The following COG1 variants were observed in gnomAD, a reference collection of about 807,000 sequenced individuals.
The protein encoded by COG1 is component of oligomeric golgi complex 1.
In COG1, 61 loss-of-function variants were observed where a neutral mutation model predicts 102.2. The observed-to-expected ratio is 0.60, with a 90% CI of 0.49 to 0.74. The LOEUF is 0.74. COG1 is among the 30% of genes least tolerant of loss of function. COG1 has a pLI of 0.00. For missense variants in COG1, 1,164 were observed against 1,232.1 expected, an observed-to-expected ratio of 0.94 and a Z score of 0.83; for synonymous variants, 454 against 493.6, an observed-to-expected ratio of 0.92 and a Z score of 1.06.
Position 73,193,248 on chromosome 17 carries a change from T to G in COG1, c.179T>G (p.Ile60Ser), listed in dbSNP as rs1395348116. Reference protein sequence around the residue: ...QMVGERYRDLIEAADTIGQMR... With the variant: ...QMVGERYRDLSEAADTIGQMR... ...GTGGGCGAACGGTACCGCGACCTGA[T>G]CGAGGCGGCCGACACCATCGGCCAG... The change falls in exon 1 of 14, where the codon ATC becomes AGC. Residue 60 changes from isoleucine (I) to serine (S), a missense_variant. Transcript: ENST00000299886. 6.2e-7 allele frequency: 1 copy of G among 1,608,330 alleles called. No individual in the cohort carries two copies. Among genetic ancestry groups the G allele is most frequent in the Admixed American group, 1.7e-5 (1 of 59,448 alleles).
chr17:73,198,653 G>A (rs9894011), intron 4 of COG1, among the ~76,000 whole-genome samples: 6,530 of 152,260 alleles, frequency 0.043, 408 homozygotes, highest in African/African-American at 0.14. Flanking sequence ...ACTGTGAAGC[G>A]GGCAGGTGCC....
In COG1 at chr17:73,205,664, A is replaced by G. The variant is rs1458072853; in HGVS notation, c.2494A>G (p.Ser832Gly). 1 of 1,613,774 alleles carries G rather than the reference A, an allele frequency of 6.2e-7. No homozygotes were observed. The highest frequency in any genetic ancestry group is 1.3e-5 in the African/African-American group (1 of 74,912). ...GGGTGACGAGGTGAAGAGTGGCCGG[A>G]GCAAGCCAGACTCCAGGTGTCGTAT... ...AKGDEVKSGR[S>G]KPDSRIEKVT... is the part of the protein sequence containing the mutation. The change falls in exon 10 of 14, where the codon AGC becomes GGC. Residue 832 changes from serine (S) to glycine (G), a missense_variant. Coordinates refer to ENST00000299886, the MANE Select transcript of COG1 (RefSeq NM_018714.3).
intron 8 of COG1, chr17:73,203,385 T>G: frequency 1.4e-6 from 1 of 702,874 alleles, no homozygotes; most frequent in African/African-American, 1.8e-5. Flanking sequence ...ACCACTTACT[T>G]GCCGTGAAAT....
At chr17:73,199,727 A>G in intron 4 of COG1, 138 bp from the exon 5 acceptor site, 1 of 962,330 alleles carries the variant, frequency 1.0e-6, no homozygotes. Flanking sequence ...GGTGTGCACC[A>G]TGACGCCTGG....
chr17:73,198,677 C>T (rs1313539887), intron 4 of COG1, among the ~76,000 whole-genome samples: 2 of 152,172 alleles, frequency 1.3e-5, no homozygotes, highest in Non-Finnish European at 2.9e-5. Context: ...GGGCCCAGAA[C>T]AGATCGCTGG....
At chr17:73,206,014 T>G in intron 10 of COG1, 140 bp from the exon 11 acceptor site, 3 of 762,564 alleles carry the variant, frequency 3.9e-6, no homozygotes, top group Non-Finnish European at 4.5e-6. Context: ...ACTTAAGCAC[T>G]ATCATCAGTG....
In COG1 at chr17:73,201,285, TGCGGCCTGGGTCA is replaced by T. The variant is rs1403513992; in HGVS notation, c.1462_1474del (p.Ala488TrpfsTer14). The T allele has an allele frequency of 6.2e-7, 1 of 1,614,102 alleles. No homozygotes were observed. Among genetic ancestry groups the T allele is most frequent in the Non-Finnish European group, 8.5e-7 (1 of 1,180,044 alleles). On this transcript the variant is annotated frameshift_variant, in exon 7 of 14. Transcript: ENST00000299886. LOFTEE classifies it high-confidence loss of function. The stretch of plus-strand genomic sequence containing the variant: ...AGAGTCCTAATGACCTGCCTTCCGA[TGCGGCCTGGGTCA>T]GCGTGGCAAACCGGGGTCAGTTTGC...
chr17:73,193,848 C>T (rs1203175204), intron 1 of COG1, among the ~76,000 whole-genome samples: 3 of 152,144 alleles, frequency 2.0e-5, no homozygotes, highest in East Asian at 1.9e-4. Flanking sequence ...TTCCACAACC[C>T]CAAATAGCTG....
chr17:73,206,418 T>TTC (rs1417530366), intron 11 of COG1, among the ~76,000 whole-genome samples, 156 bp downstream of exon 11: 7 of 152,164 alleles, frequency 4.6e-5, no homozygotes, highest in Non-Finnish European at 8.8e-5. Context: ...GAAAGAGGAT[T>TTC]AGATAAAATC....
chr17:73,195,020 G>C (rs76411189), intron 1 of COG1, among the ~76,000 whole-genome samples: 1 of 152,152 alleles, frequency 6.6e-6, no homozygotes, highest in East Asian at 1.9e-4. Context: ...TGAAATGAGT[G>C]ACCTCATCCC....
rs2061380701 is a variant in COG1 at position 73,207,193 on chromosome 17, C to A, written c.2742C>A (p.Leu914=). ...TCTTGTTTTGGAGGTTTGGACTTCT[C>A]CCACTGAGCATGACAAGCACTCGAA... ...LASSQIRFGL[L]PLSMTSTRKA... The change falls in exon 13 of 14, where the codon CTC becomes CTA. Residue 914 remains leucine (L), a synonymous_variant. Transcript: ENST00000299886. 6.2e-7 allele frequency: 1 copy of A among 1,613,090 alleles called. No homozygotes were observed. The highest frequency in any genetic ancestry group is 8.5e-7 in the Non-Finnish European group (1 of 1,179,790).
chr17:73,200,002 C>G lies in COG1; in HGVS notation c.1051C>G (p.Leu351Val), dbSNP rs142802630. The change falls in exon 5 of 14, where the codon CTG becomes GTG. Residue 351 changes from leucine to valine, a missense_variant. Transcript: ENST00000299886. ...CAGTCAGGAATACCTGAAAGACACG[C>G]TGCAGAAATGGATCCACATGTAAGT... Reference protein sequence around the residue: ...PISQEYLKDTLQKWIHMCNED... With the variant: ...PISQEYLKDTVQKWIHMCNED... 1 of 1,613,114 alleles carries G rather than the reference C, an allele frequency of 6.2e-7. No individual in the cohort carries two copies. The highest frequency in any genetic ancestry group is 1.3e-5 in the African/African-American group (1 of 74,918).
chr17:73,193,308 T>C lies in COG1; in HGVS notation c.239T>C (p.Val80Ala). 1 of 1,583,568 alleles carries C rather than the reference T, an allele frequency of 6.3e-7. No individual in the cohort carries two copies. The highest frequency in any genetic ancestry group is 8.6e-7 in the Non-Finnish European group (1 of 1,167,976). Residue 80 changes from valine (V) to alanine (A), a missense_variant, in exon 1 of 14, where the codon GTG becomes GCG. Physicochemically the swap from Val to Ala is moderately conservative, Grantham distance 64 (BLOSUM62 0). Coordinates refer to ENST00000299886, the MANE Select transcript of COG1 (RefSeq NM_018714.3). The stretch of plus-strand genomic sequence containing the variant: ...TGCGCCGTGGGGCTAGTGGACGCCG[T>C]GAAGGCCACCGACCAGTACTGCGCC... ...RRCAVGLVDA[V>A]KATDQYCARL...
At chr17:73,207,535 GA>G in intron 13 of COG1, 1 of 608,548 alleles carries the variant, frequency 1.6e-6, no homozygotes, top group Admixed American at 2.5e-5. Context: ...TTAGTAGGGT[GA>G]AAGAGTTAAC....
At chr17:73,207,675 T>A in intron 13 of COG1, 1 of 1,294,572 alleles carries the variant, frequency 7.7e-7, no homozygotes, top group South Asian at 1.2e-5. Context: ...GTTTGACATT[T>A]TCTTGTTAAT....
In COG1 at chr17:73,201,568, A is replaced by G. The variant is rs757072904; in HGVS notation, c.1741A>G (p.Ile581Val). 1.1e-5 allele frequency: 17 copies of G among 1,614,120 alleles called. No homozygotes were observed. Among genetic ancestry groups the G allele is most frequent in the East Asian group, 6.7e-5 (3 of 44,902 alleles). ...RTQSVACIKH[I>V]VDCIRAELQS... is the part of the protein sequence containing the mutation. The stretch of plus-strand genomic sequence containing the variant: ...TCAGTCCGTGGCATGCATCAAGCAC[A>G]TCGTGGACTGCATCCGGGCAGAGCT... The change falls in exon 7 of 14, where the codon ATC (isoleucine) becomes GTC (valine). Residue 581 changes from isoleucine to valine, a missense_variant. Ile to Val is a conservative substitution (Grantham distance 29). Transcript: ENST00000299886.
rs138121131 is a variant in COG1, at chr17:73,200,627, G to T, written c.1132G>T (p.Gly378Cys). The change falls in exon 6 of 14, where the codon GGT becomes TGT. Residue 378 changes from glycine (G) to cysteine (C), a missense_variant. By Grantham distance (159) the Gly-to-Cys change is radical. Coordinates refer to ENST00000299886, the MANE Select transcript of COG1 (RefSeq NM_018714.3). The stretch of plus-strand genomic sequence containing the variant: ...GCTCATGTACGTGAAGAGCATGAAG[G>T]GTCTCGCGGGAATCCGGGACGCCAT... ...NLLMYVKSMK[G>C]LAGIRDAMWE... 1 of 1,614,156 alleles carries T rather than the reference G, an allele frequency of 6.2e-7. No homozygotes were observed. Among genetic ancestry groups the T allele is most frequent in the Non-Finnish European group, 8.5e-7 (1 of 1,180,038 alleles).
intron 1 of COG1, among the ~76,000 whole-genome samples, chr17:73,195,318 T>C (rs527891644): frequency 6.6e-6 from 1 of 152,090 alleles, no homozygotes; most frequent in Admixed American, 6.5e-5. Context: ...GAGAAAAAAA[T>C]GTAAAAAAAT....
Position 73,203,700 on chromosome 17 carries a change from C to G in COG1, c.2289C>G (p.Ala763=). Residue 763 remains alanine (A), a synonymous_variant, in exon 9 of 14, where the codon GCC becomes GCG. Coordinates refer to ENST00000299886, the MANE Select transcript of COG1 (RefSeq NM_018714.3). The part of the protein sequence containing the change: ...CQEINRVGGH[A]LPKVTLQEML... ...AAATTAATCGGGTTGGAGGCCATGCCTTGCCAAAGGTGACATTACAGGAGA... is the reference window on the plus strand; with the variant it reads ...AAATTAATCGGGTTGGAGGCCATGCGTTGCCAAAGGTGACATTACAGGAGA... 1 of 1,614,174 alleles carries G rather than the reference C, an allele frequency of 6.2e-7. No homozygotes were observed. Among genetic ancestry groups the G allele is most frequent in the Non-Finnish European group, 8.5e-7 (1 of 1,180,028 alleles).
Sources: gnomAD v4.1 joint callset for allele counts (sites outside exome capture counted in the v4.1 genomes callset) on GRCh38, gnomAD v4.1.1 for gene constraint, MANE v1.5 for transcripts, NCBI Gene and HGNC (gene_info 2026-07-23, HGNC 2026-07-21) for gene names.